Variants in LONP1 observed in about 807,000 individuals in gnomAD.
LONP1 encodes lon protease homolog, mitochondrial.
A neutral mutation model predicts 98.5 loss-of-function variants in LONP1; 31 were observed. The ratio of observed to expected loss-of-function variants is 0.31; its 90% CI spans 0.24 to 0.42. LONP1 has a LOEUF of 0.42. LONP1 is among the 20% of genes least tolerant of loss of function. The probability of loss-of-function intolerance (pLI) is 1.00; values close to 1 mark genes in which losing one functional copy is unlikely to be tolerated. For missense variants in LONP1, 1,336 were observed against 1,350.6 expected (o/e 0.99, Z 0.17); for synonymous variants, 781 against 594.7 (o/e 1.31, Z -4.56).
At chr19:5,692,280 G>C (rs531086441) in intron 17 of LONP1, 72 bp from the exon 18 acceptor site, 3 of 1,453,564 alleles carry the variant, frequency 2.1e-6, no homozygotes, top group Non-Finnish European at 2.8e-6. Flanking sequence ...CTCCAGGAAC[G>C]AAAGGGCTTC....
In LONP1 at chr19:5,693,647, G is replaced by A. The variant is rs748370005; in HGVS notation, c.2443C>T (p.Arg815Cys). The change falls in exon 16 of 18, where the codon CGC becomes TGC. Residue 815 changes from arginine to cysteine, a missense_variant. Arg to Cys is a radical substitution (Grantham distance 180). This residue lies in a region of LONP1 where 555 missense variants were observed against 542.6 expected (regional missense o/e 1.02). Coordinates refer to ENST00000360614, the MANE Select transcript of LONP1 (RefSeq NM_004793.4). ...GCTCTGGCGAAGGTGTAGGCTATGCGGGCGCTCTCCTTCATCACCTCCCCC... is the reference window on the plus strand; with the variant it reads ...GCTCTGGCGAAGGTGTAGGCTATGCAGGCGCTCTCCTTCATCACCTCCCCC... ...QLGEVMKESA[R>C]IAYTFARAFL... The A allele has an allele frequency of 2.9e-5, 46 of 1,614,026 alleles. No individual in the cohort carries two copies. The highest frequency in any genetic ancestry group is 8.3e-5 in the Admixed American group (5 of 60,012).
At chr19:5,709,208 G>C (rs2055197588) in intron 4 of LONP1, among the ~76,000 whole-genome samples, 1 of 151,760 alleles carries the variant, frequency 6.6e-6, no homozygotes, top group Admixed American at 6.6e-5. Context: ...CCTGGTCTTG[G>C]CCGGGCGCGG....
chr19:5,696,256 A>G lies in LONP1; in HGVS notation c.1889T>C (p.Leu630Ser), dbSNP rs1474024148. Residue 630 changes from leucine to serine, a missense_variant, in exon 12 of 18, where the codon TTG (leucine) becomes TCG (serine). Coordinates refer to ENST00000360614, the MANE Select transcript of LONP1 (RefSeq NM_004793.4). ...CCCAGACAGGCCCCCCACCTTGGAC[A>G]AGTCCACGGGCACGTCCAGGTAGTG... Reference protein sequence around the residue: ...LDHYLDVPVDLSKVLFICTAN... With the variant: ...LDHYLDVPVDSSKVLFICTAN... 2.5e-6 allele frequency: 4 copies of G among 1,613,278 alleles called. No homozygotes were observed. Among genetic ancestry groups the G allele is most frequent in the Non-Finnish European group, 3.4e-6 (4 of 1,179,868 alleles).
In LONP1 at chr19:5,691,843, T is replaced by A. The variant is rs2054826909; in HGVS notation, c.*189A>T. The A allele has an allele frequency of 2.5e-6, 2 of 810,376 alleles. No individual in the cohort carries two copies. The highest frequency in any genetic ancestry group is 3.8e-6 in the Non-Finnish European group (2 of 520,712). The allele number at this position is 810,376 out of a possible 1,614,324, so 50.2% of individuals were successfully genotyped here. ...GGTGAGGAAGCCGCCGTACTGCAAA[T>A]GACTTTAATCATTAAATAGCTTCTA... On this transcript the variant is annotated 3_prime_UTR_variant, in exon 18 of 18. Transcript: ENST00000360614.
intron 17 of LONP1, among the ~76,000 whole-genome samples, chr19:5,693,066 C>G (rs768927042): frequency 2.0e-5 from 3 of 152,222 alleles, no homozygotes; most frequent in Admixed American, 6.5e-5. Flanking sequence ...GCCACCCCCC[C>G]AATCCTACTG....
At chr19:5,696,626 C>CG (rs1568313277) in intron 11 of LONP1, 44 bp downstream of exon 11, 1 of 1,573,462 alleles carries the variant, frequency 6.4e-7, no homozygotes, top group Admixed American at 1.7e-5. Context: ...ATCTTGCACA[C>CG]GGCATTGCCG....
At chr19:5,717,140 T>C (rs1413661136) in intron 1 of LONP1, among the ~76,000 whole-genome samples, 1 of 152,212 alleles carries the variant, frequency 6.6e-6, no homozygotes, top group African/African-American at 2.4e-5. Flanking sequence ...ACACTTATGA[T>C]TTATTCTTTA....
At chr19:5,704,649 G>A (rs781095975) in intron 8 of LONP1, among the ~76,000 whole-genome samples, 4 of 152,220 alleles carry the variant, frequency 2.6e-5, no homozygotes, top group Non-Finnish European at 5.9e-5. Flanking sequence ...GTTCTGTCCT[G>A]GCTGGACATG....
At chr19:5,711,056 A>AG (rs1382465219) in intron 4 of LONP1, among the ~76,000 whole-genome samples, 4 of 151,458 alleles carry the variant, frequency 2.6e-5, no homozygotes, top group African/African-American at 9.7e-5. Context: ...AAAACCTCGC[A>AG]GGGGTAGTGG....
At chr19:5,718,235 T>C (rs2055353075) in intron 1 of LONP1, among the ~76,000 whole-genome samples, 2 of 152,032 alleles carry the variant, frequency 1.3e-5, no homozygotes, top group African/African-American at 2.4e-5. Context: ...CCCAGCACTT[T>C]GGGAGGCTGA....
chr19:5,699,098 G>A lies in LONP1; in HGVS notation c.1614C>T (p.Arg538=), dbSNP rs369824245. ...GKTSIARSIA[R]ALNREYFRFS... ...AGCGGAAGTACTCTCGGTTCAGGGC[G>A]CGGGCGATGGAGCGAGCAATGCTGG... is the stretch of plus-strand genomic sequence containing the variant. Residue 538 remains arginine (R), a synonymous_variant, in exon 10 of 18, where the codon CGC becomes CGT. Transcript: ENST00000360614. The A allele has an allele frequency of 2.8e-5, 45 of 1,604,710 alleles. No homozygotes were observed. Among genetic ancestry groups the A allele is most frequent in the Non-Finnish European group, 3.6e-5 (42 of 1,174,428 alleles).
intron 10 of LONP1, among the ~76,000 whole-genome samples, chr19:5,697,326 G>A (rs545993610): frequency 1.1e-4 from 16 of 152,030 alleles, no homozygotes; most frequent in Admixed American, 4.6e-4. Context: ...AAGTGTGCAG[G>A]GGGGTAAGGA....
chr19:5,694,707 G>T, intron 14 of LONP1, 54 bp downstream of exon 14: 1 of 1,576,128 alleles, frequency 6.3e-7, no homozygotes, highest in Non-Finnish European at 8.7e-7. Context: ...GGGGTGATCA[G>T]CGTGGGATGG....
chr19:5,720,321 TC>T (rs2055423386), upstream of LONP1: 2 of 850,212 alleles, frequency 2.4e-6, no homozygotes, highest in Non-Finnish European at 3.4e-6. Context: ...TCTTCCGGTC[TC>T]CCACTTTATG....
intron 13 of LONP1, 109 bp from the exon 14 acceptor site, chr19:5,695,010 A>G: frequency 7.7e-7 from 1 of 1,300,286 alleles, no homozygotes; most frequent in Non-Finnish European, 1.0e-6. Context: ...TGGCCTGGGA[A>G]CGAGGTCCCT....
At chr19:5,705,576 G>A (rs1162728454) in intron 8 of LONP1, among the ~76,000 whole-genome samples, 196 bp downstream of exon 8, 3 of 152,114 alleles carry the variant, frequency 2.0e-5, no homozygotes, top group East Asian at 3.9e-4. Context: ...CCCGAGCCTC[G>A]ATTTCCTTGT....
intron 8 of LONP1, 54 bp from the exon 9 acceptor site, chr19:5,700,981 C>T: frequency 6.2e-7 from 1 of 1,606,644 alleles, no homozygotes; most frequent in Non-Finnish European, 8.5e-7. Flanking sequence ...CTGCCTGTCT[C>T]TCTGCTGGAC....
At chr19:5,698,106 A>G (rs1321029013) in intron 10 of LONP1, among the ~76,000 whole-genome samples, 2 of 31,452 alleles carry the variant, frequency 6.4e-5, no homozygotes, top group African/African-American at 2.6e-4. Context: ...GGGACTCCCC[A>G]AAGCTGCACT....
chr19:5,704,190 G>A (rs997285996), intron 8 of LONP1, among the ~76,000 whole-genome samples: 23 of 152,218 alleles, frequency 1.5e-4, no homozygotes, highest in African/African-American at 4.6e-4. Context: ...AAGGGGCCCC[G>A]AGCCGAGGGA....
Sources: allele counts gnomAD v4.1 joint callset (sites outside exome capture counted in the v4.1 genomes callset), GRCh38; gene constraint gnomAD v4.1.1; regional missense constraint gnomAD v4.1.1; transcripts MANE v1.5; gene names NCBI Gene and HGNC (gene_info 2026-07-23, HGNC 2026-07-21).